ZFHX3: variants seen among roughly 807,000 people sequenced by gnomAD.
The protein encoded by ZFHX3 is zinc finger homeobox 3, also known as zinc finger homeobox protein 3.
In ZFHX3, 42 loss-of-function variants were observed where a neutral mutation model predicts 279.1. That is an observed-to-expected ratio of 0.15 (90% confidence interval 0.12 to 0.19). The LOEUF is 0.19. Ranked by LOEUF, ZFHX3 falls within the 10% of genes least tolerant of loss-of-function variation. ZFHX3 has a pLI of 1.00. For synonymous variants in ZFHX3, 2,293 were observed against 1,957.8 expected (o/e 1.17, Z -4.52); for missense variants, 4,981 against 4,754.0 (o/e 1.05, Z -1.40).
At chr16:73,778,923 C>T (rs570290891) in intron 1 of ZFHX3, among the ~76,000 whole-genome samples, 81 of 152,298 alleles carry the variant, frequency 5.3e-4, no homozygotes, top group African/African-American at 1.8e-3. Flanking sequence ...GAATATTAAT[C>T]GTTAAGTTTC....
intron 1 of ZFHX3, among the ~76,000 whole-genome samples, chr16:73,027,646 C>A (rs1305173418): frequency 6.6e-6 from 1 of 152,100 alleles, no homozygotes; most frequent in Non-Finnish European, 1.5e-5. Context: ...GAAAATGACA[C>A]CCTCTATCCT....
chr16:73,796,695 C>T (rs578188726), intron 1 of ZFHX3: 1 of 152,366 alleles, frequency 6.6e-6, no homozygotes, highest in South Asian at 2.1e-4. Context: ...CATGGCACCT[C>T]TGCTGATGGG....
chr16:73,641,814 A>G (rs2052575426), intron 2 of ZFHX3, among the ~76,000 whole-genome samples: 1 of 152,180 alleles, frequency 6.6e-6, no homozygotes, highest in South Asian at 2.1e-4. Flanking sequence ...TAAGCCTTTT[A>G]GTATTACTTG....
At chr16:73,753,783 G>A (rs995873496) in intron 1 of ZFHX3, among the ~76,000 whole-genome samples, 3 of 151,856 alleles carry the variant, frequency 2.0e-5, no homozygotes, top group Non-Finnish European at 4.4e-5. Flanking sequence ...TTTCAATAAG[G>A]TGTTTTTTTT....
At chr16:72,834,172 C>G (rs1861956353) in intron 4 of ZFHX3, among the ~76,000 whole-genome samples, 1 of 152,148 alleles carries the variant, frequency 6.6e-6, no homozygotes, top group Admixed American at 6.5e-5. Context: ...TACTTGAGCC[C>G]AGGCAGTTGA....
chr16:73,822,247 G>A (rs1413571375), intron 1 of ZFHX3, among the ~76,000 whole-genome samples: 1 of 152,050 alleles, frequency 6.6e-6, no homozygotes, highest in Non-Finnish European at 1.5e-5. Flanking sequence ...ACCCAGAATT[G>A]GGGCTCTGAT....
chr16:72,823,776 C>A lies in ZFHX3; in HGVS notation c.3529+6003G>T, dbSNP rs549177054. ...TTAATAACCCATTTGGTCCAACCTG[C>A]CACTTTACAGATTTGGAAACTGAGG... On this transcript the variant is annotated intron_variant, in intron 5 of 9. Transcript: ENST00000268489. Among the ~76,000 whole-genome samples, 5 of 152,268 alleles carry A rather than the reference C, an allele frequency of 3.3e-5. No individual in the cohort carries two copies. The South Asian group carries it at 1.0e-3, about 32-fold the overall frequency.
chr16:73,429,723 C>T (rs1464479299), intron 3 of ZFHX3, among the ~76,000 whole-genome samples: 1 of 152,144 alleles, frequency 6.6e-6, no homozygotes, highest in African/African-American at 2.4e-5. Flanking sequence ...GAAGATGGAA[C>T]AAAATATGTC....
At chr16:73,474,852 C>T (rs1862773) in intron 2 of ZFHX3, among the ~76,000 whole-genome samples, 34,098 of 152,102 alleles carry the variant, frequency 0.22, 4,326 homozygotes, top group East Asian at 0.58. Context: ...ATGGAGCCAG[C>T]GGGTAAGAGA....
chr16:73,731,033 C>A (rs1380963495), intron 1 of ZFHX3, among the ~76,000 whole-genome samples: 2 of 152,136 alleles, frequency 1.3e-5, no homozygotes, highest in East Asian at 1.9e-4. Flanking sequence ...TTTGAAAGGG[C>A]TTTAATTTTC....
At chr16:73,544,917 G>A (rs1444954457) in intron 2 of ZFHX3, among the ~76,000 whole-genome samples, 1 of 152,152 alleles carries the variant, frequency 6.6e-6, no homozygotes, top group African/African-American at 2.4e-5. Flanking sequence ...AGTGCTAGTC[G>A]TGCCAAGTCA....
chr16:73,652,617 T>G (rs748592001), intron 2 of ZFHX3, among the ~76,000 whole-genome samples: 3 of 152,206 alleles, frequency 2.0e-5, no homozygotes, highest in Non-Finnish European at 4.4e-5. Flanking sequence ...TTTAGACACA[T>G]GTATGACAAA....
At chr16:72,856,231 C>T (rs141468994) in intron 4 of ZFHX3, among the ~76,000 whole-genome samples, 1 of 152,324 alleles carries the variant, frequency 6.6e-6, no homozygotes, top group East Asian at 1.9e-4. Context: ...TCTGCAGCTC[C>T]CCTGCCATGT....
In ZFHX3 at chr16:72,793,786, T is replaced by TA; in HGVS notation, c.8895dup (p.Asn2966Ter). 6.2e-7 allele frequency: 1 copy of TA among 1,614,180 alleles called. No individual in the cohort carries two copies. The highest frequency in any genetic ancestry group is 1.1e-5 in the South Asian group (1 of 91,072). On this transcript the variant is annotated frameshift_variant, in exon 9 of 10. Transcript: ENST00000268489. LOFTEE classifies it high-confidence loss of function. This position sits in a 1 kb window ranked among gnomAD's most constrained non-coding sequence, Gnocchi z 4.3. ...AGCATAGTGGGTGTCCTGTAGTCAT[T>TA]AAAGCATGACTTGAGGACCTTCAGC...
chr16:73,499,024 G>C (rs182715065), intron 2 of ZFHX3, among the ~76,000 whole-genome samples: 2 of 152,284 alleles, frequency 1.3e-5, no homozygotes, highest in East Asian at 3.9e-4. Flanking sequence ...GAGACCTGAA[G>C]TGGGGTTGGA....
chr16:73,675,429 A>G (rs2052944770), intron 2 of ZFHX3, among the ~76,000 whole-genome samples: 1 of 152,138 alleles, frequency 6.6e-6, no homozygotes, highest in African/African-American at 2.4e-5. Context: ...ACATTCATTC[A>G]TTCATTTGTT....
chr16:73,087,686 G>A (rs1447294132), intron 8 of ZFHX3, among the ~76,000 whole-genome samples: 1 of 152,174 alleles, frequency 6.6e-6, no homozygotes, highest in East Asian at 1.9e-4. Context: ...TTTAATGTCA[G>A]TTTGGGCTCT....
intron 4 of ZFHX3, among the ~76,000 whole-genome samples, chr16:73,304,758 T>C (rs1567445153): frequency 6.6e-6 from 1 of 152,190 alleles, no homozygotes; most frequent in Non-Finnish European, 1.5e-5. Flanking sequence ...GTAAGGAGCC[T>C]GCTTCCTGAG....
At chr16:73,567,980 A>C (rs1332463905) in intron 2 of ZFHX3, among the ~76,000 whole-genome samples, 1 of 152,150 alleles carries the variant, frequency 6.6e-6, no homozygotes, top group African/African-American at 2.4e-5. Context: ...GTACCACCCC[A>C]ACCAACCAAC....
Sources: allele counts gnomAD v4.1 joint callset (sites outside exome capture counted in the v4.1 genomes callset), GRCh38; gene constraint gnomAD v4.1.1; non-coding constraint Gnocchi (gnomAD v3.1); transcripts MANE v1.5; gene names NCBI Gene and HGNC (gene_info 2026-07-23, HGNC 2026-07-21).